MTA3: variants seen among roughly 807,000 people sequenced by gnomAD.
MTA3 encodes metastasis associated 1 family member 3, also known as metastasis-associated protein MTA3.
In MTA3, 34 loss-of-function variants were observed where a neutral mutation model predicts 83.5. That is an observed-to-expected ratio of 0.41 (90% CI 0.31 to 0.54). The LOEUF (loss-of-function observed/expected upper bound fraction) is 0.54, where lower values mean the gene tolerates loss of function less well. Ranked by LOEUF, MTA3 falls within the 20% of genes least tolerant of loss-of-function variation. The pLI is 0.33. For missense variants in MTA3, 761 were observed against 726.4 expected, an observed-to-expected ratio of 1.05 and a Z score of -0.55; for synonymous variants, 303 against 252.7, an observed-to-expected ratio of 1.20 and a Z score of -1.89.
At position 42,504,100 on chromosome 2, in the gene MTA3, T is replaced by C. The variant is rs377015917; in HGVS notation, c.-141+8846T>C. Among the ~76,000 whole-genome samples the C allele has an allele frequency of 2.0e-4, 30 of 151,816 alleles. No homozygotes were observed. In the East Asian group the frequency reaches 2.5e-3, roughly 13 times the overall value. On this transcript the variant is annotated intron_variant, in intron 2 of 17. Coordinates refer to the MTA3 transcript ENST00000405592. The stretch of plus-strand genomic sequence containing the variant: ...CACCACGCCCAGCCCAGCTAACTTA[T>C]TGTATTTTTAGTAGAGATGGGGTTT...
intron 4 of MTA3, among the ~76,000 whole-genome samples, chr2:42,627,560 T>G (rs535859206): frequency 2.0e-5 from 3 of 151,786 alleles, no homozygotes; most frequent in African/African-American, 7.3e-5. Context: ...GTTTAGATTC[T>G]TTTTTTCTTT....
intron 14 of MTA3, among the ~76,000 whole-genome samples, chr2:42,710,549 CAAAAAAAAAAA>C (rs765315082): frequency 2.8e-4 from 17 of 61,068 alleles, no homozygotes; most frequent in Admixed American, 1.1e-3. Context: ...AACTTCATCT[CAAAAAAAAAAA>C]AAAAAAAAAA....
intron 3 of MTA3, among the ~76,000 whole-genome samples, chr2:42,581,447 G>A (rs1679626553): frequency 7.0e-6 from 1 of 142,574 alleles, no homozygotes; most frequent in Non-Finnish European, 1.5e-5. Flanking sequence ...ATAGCTCACT[G>A]CAGCCTTGAA....
intron 16 of MTA3, among the ~76,000 whole-genome samples, chr2:42,739,710 A>G (rs568527143): frequency 3.9e-5 from 6 of 152,352 alleles, no homozygotes; most frequent in Middle Eastern, 3.4e-3. Flanking sequence ...TTTCAAAATT[A>G]GAGTCAATCC....
At chr2:42,571,114 TG>T in intron 2 of MTA3, among the ~76,000 whole-genome samples, 1 of 151,950 alleles carries the variant, frequency 6.6e-6, no homozygotes, top group Non-Finnish European at 1.5e-5. Context: ...GATTTTAGGC[TG>T]GGCATGGCGG....
intron 2 of MTA3, among the ~76,000 whole-genome samples, chr2:42,509,203 C>A (rs1445706788): frequency 6.6e-6 from 1 of 151,910 alleles, no homozygotes. Flanking sequence ...CCACCATGCC[C>A]AGCTAATTTT....
chr2:42,573,598 T>A (rs946687020), intron 2 of MTA3, among the ~76,000 whole-genome samples: 1 of 151,956 alleles, frequency 6.6e-6, no homozygotes, highest in East Asian at 1.9e-4. Flanking sequence ...GCAACCTCTG[T>A]CTCCTGGGTT....
At chr2:42,665,456 C>G (rs908804349) in intron 8 of MTA3, among the ~76,000 whole-genome samples, 4 of 152,176 alleles carry the variant, frequency 2.6e-5, no homozygotes, top group Admixed American at 1.3e-4. Context: ...CCATTACCCC[C>G]ATGGGAACAA....
chr2:42,674,130 G>A (rs1015893555), intron 8 of MTA3, among the ~76,000 whole-genome samples: 1 of 152,172 alleles, frequency 6.6e-6, no homozygotes, highest in African/African-American at 2.4e-5. Context: ...AGCACAAGAG[G>A]GCAAGGCCAA....
At chr2:42,644,354 T>A in intron 6 of MTA3, 110 bp downstream of exon 6, 2 of 612,302 alleles carry the variant, frequency 3.3e-6, no homozygotes, top group Non-Finnish European at 5.6e-6. Flanking sequence ...CTAAAAGTTA[T>A]AAGCACTTGC....
chr2:42,625,620 G>A (rs1685996971), intron 4 of MTA3, among the ~76,000 whole-genome samples: 8 of 149,958 alleles, frequency 5.3e-5, no homozygotes, highest in Admixed American at 4.0e-4. Context: ...GGTGGCAGGC[G>A]CCTGTAGTCC....
rs1228130439 is a variant in MTA3, at chr2:42,581,559, T to A, written c.190+2359T>A. Among the ~76,000 whole-genome samples, 14 of 151,274 alleles carry A rather than the reference T, an allele frequency of 9.3e-5. No homozygotes were observed. The Admixed American group carries it at 9.3e-4, about 10-fold the overall frequency. On this transcript the variant is annotated intron_variant, in intron 3 of 16. Transcript: ENST00000405094. ...AGCTAATTAAAAAACTTTTTTTTTT[T>A]TTTGGTAGAAATGGGGTCTTGTTAT...
At chr2:42,599,744 G>A (rs1293463630) in intron 3 of MTA3, among the ~76,000 whole-genome samples, 1 of 152,056 alleles carries the variant, frequency 6.6e-6, no homozygotes, top group Non-Finnish European at 1.5e-5. Context: ...TCCTGTTTTT[G>A]TTTAATTCTT....
At chr2:42,578,352 T>A (rs1165292205) in intron 2 of MTA3, among the ~76,000 whole-genome samples, 1 of 152,028 alleles carries the variant, frequency 6.6e-6, no homozygotes, top group Non-Finnish European at 1.5e-5. Context: ...ATAACTGAAT[T>A]TTTTTTTGAA....
chr2:42,504,515 A>C (rs1438072265), intron 2 of MTA3, among the ~76,000 whole-genome samples: 1 of 152,184 alleles, frequency 6.6e-6, no homozygotes, highest in East Asian at 1.9e-4. Flanking sequence ...TGCTGGGATC[A>C]CAGGGTGAGC....
At chr2:42,749,125 A>G (rs1285568450) in intron 16 of MTA3, among the ~76,000 whole-genome samples, 1 of 152,216 alleles carries the variant, frequency 6.6e-6, no homozygotes, top group Non-Finnish European at 1.5e-5. Context: ...TAGTTCAGAA[A>G]TAAGCAAGTA....
intron 2 of MTA3, among the ~76,000 whole-genome samples, chr2:42,549,408 TAA>T (rs1676979328): frequency 8.6e-6 from 1 of 116,798 alleles, no homozygotes; most frequent in African/African-American, 3.4e-5. Context: ...TATACGTATA[TAA>T]TATATATTAT....
At chr2:42,596,776 A>G (rs933471460) in intron 3 of MTA3, among the ~76,000 whole-genome samples, 6 of 152,222 alleles carry the variant, frequency 3.9e-5, no homozygotes, top group African/African-American at 1.4e-4. Context: ...CTGGAAGAAT[A>G]CAGGCTCATG....
At position 42,755,556 on chromosome 2, in the gene MTA3, A is replaced by C. The variant is rs1026745402; in HGVS notation, c.*2157A>C. 2 of 985,284 alleles carry C rather than the reference A, an allele frequency of 2.0e-6. No individual in the cohort carries two copies. The allele number at this position is 985,284 out of a possible 1,614,324, so 61.0% of individuals were successfully genotyped here. A position where few individuals can be genotyped will look rare whatever the true frequency, so the allele number is the denominator to read the frequency against. ...GGTTCTGTAGTCCAGTCATCCTAGG[A>C]GGGTGATGTTGACTGAGACTTCACG... On this transcript the variant is annotated 3_prime_UTR_variant, in exon 17 of 17. Transcript: ENST00000405094.
Sources: gnomAD v4.1 joint callset for allele counts (sites outside exome capture counted in the v4.1 genomes callset) on GRCh38, gnomAD v4.1.1 for gene constraint, MANE v1.5 for transcripts, NCBI Gene and HGNC (gene_info 2026-07-23, HGNC 2026-07-21) for gene names.